ICA1: variants seen among roughly 807,000 people sequenced by gnomAD.
ICA1 encodes islet cell autoantigen 1, also known as 69 kDa islet cell autoantigen.
ICA1 carries 40 observed loss-of-function variants against 71.0 expected under a neutral mutation model. The observed-to-expected ratio is 0.56, with a 90% CI of 0.44 to 0.73. ICA1 has a LOEUF of 0.73. Among genes scored for constraint, ICA1 ranks in the 30% least tolerant of loss-of-function variants. The pLI is 0.00. For missense variants in ICA1, 578 were observed against 576.5 expected (o/e 1.00, Z -0.03); for synonymous variants, 207 against 209.5 (o/e 0.99, Z 0.10).
rs752844114 is a variant in ICA1 at position 8,114,170 on chromosome 7, T to C, written c.1331-126A>G. The stretch of plus-strand genomic sequence containing the variant: ...TTCAATCAGACAAATCCCTTTGCAC[T>C]CTCTCTGACAATAGTTAGGGAATTC... On this transcript the variant is annotated intron_variant, in intron 13 of 13. Coordinates refer to ENST00000402384, the MANE Select transcript of ICA1 (RefSeq NM_001136020.3). The C allele has an allele frequency of 1.2e-4, 124 of 1,036,872 alleles. 1 individual carries two copies. In the Middle Eastern group the frequency reaches 1.8e-3, roughly 15 times the overall value. The allele number at this position is 1,036,872 out of a possible 1,614,324, so 64.2% of individuals were successfully genotyped here.
At chr7:8,154,329 CTG>C (rs1298903313) in intron 8 of ICA1, among the ~76,000 whole-genome samples, 1 of 152,158 alleles carries the variant, frequency 6.6e-6, no homozygotes, top group African/African-American at 2.4e-5. Flanking sequence ...AGTTATATCT[CTG>C]TAATTCTGTA....
At position 8,145,764 on chromosome 7, in the gene ICA1, A is replaced by ATATATGTATATATATG. The variant is rs55971486; in HGVS notation, c.805-1793_805-1792insCATATATATACATATA. Reference sequence around the variant, plus strand: ...AATCATTGTGTATATATATATATATATATGTATATAAAATATATAGAGAGA... The same window carrying ATATATGTATATATATG: ...AATCATTGTGTATATATATATATATATATATGTATATATATGTATGTATATAAAATATATAGAGAGA... On this transcript the variant is annotated intron_variant, in intron 8 of 13. Transcript: ENST00000402384. Among the ~76,000 whole-genome samples the ATATATGTATATATATG allele has an allele frequency of 2.6e-3, 358 of 136,304 alleles. 10 individuals are homozygous for ATATATGTATATATATG. The highest frequency in any genetic ancestry group is 8.9e-3 in the African/African-American group (340 of 38,332). 89.4% of individuals were successfully genotyped at this position (136,304 alleles called of 152,430 possible). A position where few individuals can be genotyped will look rare whatever the true frequency, so the allele number is the denominator to read the frequency against.
At chr7:8,152,192 G>A (rs1799043260) in intron 8 of ICA1, among the ~76,000 whole-genome samples, 1 of 152,054 alleles carries the variant, frequency 6.6e-6, no homozygotes, top group East Asian at 1.9e-4. Flanking sequence ...GGGTGGGTTG[G>A]GTTACCCTGG....
intron 6 of ICA1, among the ~76,000 whole-genome samples, chr7:8,174,771 A>AAAAAAAAAAAAAAAAC (rs1554310916): frequency 9.4e-6 from 1 of 106,038 alleles, no homozygotes; most frequent in Non-Finnish European, 2.0e-5. Context: ...AAAAAAAAAA[A>AAAAAAAAAAAAAAAAC]AAAAAAAACA....
At chr7:8,203,101 C>G (rs1053099156) in intron 6 of ICA1, among the ~76,000 whole-genome samples, 1 of 152,116 alleles carries the variant, frequency 6.6e-6, no homozygotes, top group Non-Finnish European at 1.5e-5. Context: ...TAGAGAACAC[C>G]AAGGGGGCTT....
intron 6 of ICA1, among the ~76,000 whole-genome samples, chr7:8,201,827 T>C (rs538033478): frequency 3.9e-4 from 60 of 152,124 alleles, no homozygotes; most frequent in Middle Eastern, 3.4e-3. Flanking sequence ...ATTAGGGAGA[T>C]TCATCAGAGG....
chr7:8,255,529 T>C (rs976905815), intron 1 of ICA1, among the ~76,000 whole-genome samples: 2 of 152,196 alleles, frequency 1.3e-5, no homozygotes, highest in Non-Finnish European at 2.9e-5. Context: ...GCCACTTCCA[T>C]GGCTTCAACT....
intron 1 of ICA1, among the ~76,000 whole-genome samples, chr7:8,247,907 C>T (rs757737880): frequency 2.0e-5 from 3 of 152,176 alleles, no homozygotes; most frequent in Non-Finnish European, 1.5e-5. Context: ...TATTGGTATT[C>T]TATACCCACA....
intron 10 of ICA1, among the ~76,000 whole-genome samples, chr7:8,139,285 G>A (rs1794429175): frequency 6.6e-6 from 1 of 152,094 alleles, no homozygotes; most frequent in Admixed American, 6.5e-5. Context: ...ATATGACATC[G>A]ATCTAACAAT....
At chr7:8,199,386 T>C (rs1308195844) in intron 6 of ICA1, among the ~76,000 whole-genome samples, 1 of 152,150 alleles carries the variant, frequency 6.6e-6, no homozygotes. Flanking sequence ...GTGGTACTTA[T>C]ACACAATAGA....
intron 6 of ICA1, among the ~76,000 whole-genome samples, chr7:8,181,493 C>T (rs953153473): frequency 5.3e-5 from 8 of 152,140 alleles, no homozygotes; most frequent in African/African-American, 9.6e-5. Flanking sequence ...AGTTTATAGT[C>T]ATCTTTACTA....
At chr7:8,252,267 C>T (rs1293326615) in intron 1 of ICA1, among the ~76,000 whole-genome samples, 1 of 152,180 alleles carries the variant, frequency 6.6e-6, no homozygotes, top group African/African-American at 2.4e-5. Context: ...AAGGAACACC[C>T]TAATCAGATA....
chr7:8,136,636 C>A (rs1393781958), intron 12 of ICA1, among the ~76,000 whole-genome samples: 1 of 152,174 alleles, frequency 6.6e-6, no homozygotes, highest in Non-Finnish European at 1.5e-5. Context: ...TGTGGGTTGG[C>A]AGTGAGAAAG....
chr7:8,163,802 A>G (rs1804809746), intron 6 of ICA1, among the ~76,000 whole-genome samples: 1 of 152,200 alleles, frequency 6.6e-6, no homozygotes, highest in South Asian at 2.1e-4. Flanking sequence ...CAGAACGAGC[A>G]GGAGGGTGGG....
intron 1 of ICA1, among the ~76,000 whole-genome samples, chr7:8,250,694 G>C (rs1042229937): frequency 6.6e-6 from 1 of 152,034 alleles, no homozygotes; most frequent in Non-Finnish European, 1.5e-5. Context: ...AATGATTTTT[G>C]ATATTTCATA....
intron 8 of ICA1, among the ~76,000 whole-genome samples, chr7:8,148,504 T>C (rs1041769626): frequency 1.3e-5 from 2 of 152,236 alleles, no homozygotes; most frequent in African/African-American, 4.8e-5. Context: ...GTGATGTTTT[T>C]GTGACCATAA....
rs1009432247 is a variant in ICA1 at position 8,234,334 on chromosome 7, G to A, written c.17+1576C>T. ...TATGGCTGGAAAGTTTGCTGATGGA[G>A]TTCCATCCCTCCCCTTGCTTCGTCC... On this transcript the variant is annotated intron_variant, in intron 2 of 13. Coordinates refer to ENST00000402384, the MANE Select transcript of ICA1 (RefSeq NM_001136020.3). The surrounding 1 kb of genome is among the most constrained non-coding windows in gnomAD (Gnocchi z 4.5). 1.5e-4 allele frequency among the ~76,000 whole-genome samples: 23 copies of A among 152,202 alleles called. No homozygotes were observed. Among genetic ancestry groups the A allele is most frequent in the Non-Finnish European group, 5.9e-5 (4 of 68,024 alleles).
At chr7:8,157,545 T>C (rs961020667) in intron 7 of ICA1, 59 of 273,896 alleles carry the variant, frequency 2.2e-4, no homozygotes, top group African/African-American at 1.1e-3. Context: ...GCTGATTCTA[T>C]TTCTCCCTCT....
chr7:8,256,713 C>A (rs1461956907), intron 1 of ICA1, among the ~76,000 whole-genome samples: 1 of 152,196 alleles, frequency 6.6e-6, no homozygotes, highest in Non-Finnish European at 1.5e-5. Context: ...ACATCTGTAT[C>A]TCCTGCACTA....
Sources: gnomAD v4.1 joint callset for allele counts (sites outside exome capture counted in the v4.1 genomes callset) on GRCh38, gnomAD v4.1.1 for gene constraint, Gnocchi (gnomAD v3.1) non-coding constraint, MANE v1.5 for transcripts, NCBI Gene and HGNC (gene_info 2026-07-23, HGNC 2026-07-21) for gene names.